Variants in CUX1 observed in about 807,000 individuals in gnomAD.
The protein encoded by CUX1 is cut like homeobox 1.
CUX1 carries 31 observed loss-of-function variants against 158.8 expected under a neutral mutation model. The observed-to-expected ratio is 0.20, with a 90% CI of 0.15 to 0.26. CUX1 has a LOEUF of 0.26. CUX1 is among the 10% of genes least tolerant of loss of function. The pLI, the probability that CUX1 is intolerant of heterozygous loss-of-function variation, is 1.00. For synonymous variants in CUX1, 879 were observed against 862.1 expected (o/e 1.02, Z -0.34); for missense variants, 1,589 against 2,014.6 (o/e 0.79, Z 4.04).
intron 8 of CUX1, among the ~76,000 whole-genome samples, chr7:102,142,546 G>A (rs868950773): frequency 1.5e-4 from 23 of 152,032 alleles, no homozygotes; most frequent in African/African-American, 4.6e-4. Flanking sequence ...GATCACTTGA[G>A]CCCAGGAATT....
At chr7:101,882,073 C>T (rs912759508) in intron 1 of CUX1, among the ~76,000 whole-genome samples, 2 of 151,370 alleles carry the variant, frequency 1.3e-5, no homozygotes, top group African/African-American at 4.9e-5. Flanking sequence ...AGTCCCATCT[C>T]CTCGGGAGGC....
At chr7:101,873,081 C>T (rs954782796) in intron 1 of CUX1, among the ~76,000 whole-genome samples, 2 of 151,612 alleles carry the variant, frequency 1.3e-5, no homozygotes, top group African/African-American at 4.8e-5. Context: ...CCATGTTGGC[C>T]AGGATGGTCT....
At chr7:102,218,290 G>A (rs558869127) in intron 20 of CUX1, among the ~76,000 whole-genome samples, 1 of 152,334 alleles carries the variant, frequency 6.6e-6, no homozygotes, top group Non-Finnish European at 1.5e-5. Context: ...TTTCCCCATT[G>A]TGGAAAGCTC....
intron 3 of CUX1, among the ~76,000 whole-genome samples, chr7:102,039,966 C>T (rs548652798): frequency 2.6e-5 from 4 of 152,122 alleles, no homozygotes; most frequent in South Asian, 2.1e-4. Flanking sequence ...TTACATGCAG[C>T]GCGCTGGCCA....
intron 8 of CUX1, among the ~76,000 whole-genome samples, chr7:102,125,059 G>T (rs1832474165): frequency 6.6e-6 from 1 of 152,160 alleles, no homozygotes; most frequent in South Asian, 2.1e-4. Flanking sequence ...TGGATTTACA[G>T]GCATGAGCCA....
chr7:102,180,314 CTTT>C (rs782269252), intron 11 of CUX1, among the ~76,000 whole-genome samples: 2 of 127,752 alleles, frequency 1.6e-5, no homozygotes, highest in South Asian at 2.6e-4. Context: ...GAGCCACTGC[CTTT>C]TTTTTTTTTT....
intron 16 of CUX1, among the ~76,000 whole-genome samples, chr7:102,199,595 TTC>T (rs1199999225): frequency 1.3e-5 from 2 of 152,360 alleles, no homozygotes; most frequent in East Asian, 3.9e-4. Flanking sequence ...AGTTAAGCCT[TTC>T]TTCACCCTGT....
intron 2 of CUX1, among the ~76,000 whole-genome samples, chr7:101,937,529 G>A (rs1449653775): frequency 6.9e-6 from 1 of 145,522 alleles, no homozygotes; most frequent in Non-Finnish European, 1.5e-5. Flanking sequence ...TTTTTTAATT[G>A]AGACAGAGTC....
chr7:101,930,304 G>A (rs192329145), intron 2 of CUX1, among the ~76,000 whole-genome samples: 1 of 152,220 alleles, frequency 6.6e-6, no homozygotes, highest in East Asian at 1.9e-4. Context: ...GGAACATATC[G>A]TTATAGCCTA....
At position 102,252,853 on chromosome 7, in the gene CUX1, A is replaced by G. The variant is rs1801658959; in HGVS notation, c.*3811A>G. The G allele has an allele frequency of 1.0e-6, 1 of 985,450 alleles. No individual in the cohort carries two copies. Among genetic ancestry groups the G allele is most frequent in the African/African-American group, 1.7e-5 (1 of 57,352 alleles). 61.0% of individuals were successfully genotyped at this position (985,450 alleles called of 1,614,324 possible). A position where few individuals can be genotyped will look rare whatever the true frequency, so the allele number is the denominator to read the frequency against. ...TATCAGAGCCATGGAGCTTAGCTCA[A>G]TTGGATTCTTCTAGACGATCTTAGG... is the stretch of plus-strand genomic sequence containing the variant. On this transcript the variant is annotated 3_prime_UTR_variant, in exon 24 of 24. Transcript: ENST00000292535.
intron 23 of CUX1, among the ~76,000 whole-genome samples, chr7:102,242,140 A>G (rs1306234578): frequency 6.6e-6 from 1 of 151,844 alleles, no homozygotes; most frequent in Non-Finnish European, 1.5e-5. Flanking sequence ...GGAAACGTGG[A>G]CAGGGGTTTC....
intron 1 of CUX1, among the ~76,000 whole-genome samples, chr7:101,824,065 T>C (rs768462693): frequency 1.3e-4 from 20 of 152,192 alleles, no homozygotes; most frequent in Non-Finnish European, 1.9e-4. Flanking sequence ...TTTAATATCT[T>C]TAAGACAGAA....
chr7:102,044,679 C>T (rs906096594), intron 3 of CUX1, among the ~76,000 whole-genome samples: 4 of 152,106 alleles, frequency 2.6e-5, no homozygotes, highest in African/African-American at 9.7e-5. Context: ...CCCTGCTTCT[C>T]GCCTTCTCCT....
At chr7:102,164,730 C>T (rs537580499) in intron 9 of CUX1, among the ~76,000 whole-genome samples, 39 of 152,264 alleles carry the variant, frequency 2.6e-4, no homozygotes, top group Middle Eastern at 3.4e-3. Flanking sequence ...CTCTGGGAGT[C>T]GAGATGTTCA....
chr7:102,234,117 C>T lies in CUX1; in HGVS notation c.3499C>T (p.Arg1167Cys), dbSNP rs1554531735. ...AGGCTCTGTCTCTGACCTCCTTGCC[C>T]GCCCCAAACCCTGGCATAAGCTCAG... ...TQGSVSDLLARPKPWHKLSLK... is the reference protein window; with the variant it reads ...TQGSVSDLLACPKPWHKLSLK... Residue 1167 changes from arginine (R) to cysteine (C), a missense_variant, in exon 22 of 24, where the codon CGC (arginine) becomes TGC (cysteine). Coordinates refer to ENST00000292535, the MANE Select transcript of CUX1 (RefSeq NM_181552.4). The T allele has an allele frequency of 1.3e-6, 2 of 1,597,092 alleles. No individual in the cohort carries two copies. Among genetic ancestry groups the T allele is most frequent in the East Asian group, 2.3e-5 (1 of 42,772 alleles).
intron 10 of CUX1, among the ~76,000 whole-genome samples, chr7:102,171,348 G>C (rs1241959317): frequency 6.6e-6 from 1 of 152,078 alleles, no homozygotes; most frequent in African/African-American, 2.4e-5. Context: ...AAATAACTTA[G>C]AGCAAAGCTG....
At chr7:101,902,401 C>T (rs770606720) in intron 1 of CUX1, among the ~76,000 whole-genome samples, 6 of 152,204 alleles carry the variant, frequency 3.9e-5, no homozygotes, top group Non-Finnish European at 5.9e-5. Context: ...GGTCTCTACC[C>T]GCCCCAGCAA....
chr7:102,190,720 A>C (rs1216841654), intron 12 of CUX1, among the ~76,000 whole-genome samples: 1 of 152,078 alleles, frequency 6.6e-6, no homozygotes, highest in African/African-American at 2.4e-5. Flanking sequence ...AGGCTTCCTC[A>C]GGGGTTCCTC....
rs782203931 is a variant in CUX1 at position 102,104,330 on chromosome 7, C to A, written c.407-6C>A. 3 of 1,554,926 alleles carry A rather than the reference C, an allele frequency of 1.9e-6. No individual in the cohort carries two copies. Among genetic ancestry groups the A allele is most frequent in the African/African-American group, 1.4e-5 (1 of 71,204 alleles). ...TACTGTAGGTTTTTTTTTTTCTTTTCTGCAGAGGTTACGATAAAAGCACTT... is the reference window on the plus strand; with the variant it reads ...TACTGTAGGTTTTTTTTTTTCTTTTATGCAGAGGTTACGATAAAAGCACTT... On this transcript the variant is annotated splice_polypyrimidine_tract_variant and splice_region_variant and intron_variant, in intron 5 of 23. Coordinates refer to ENST00000292535, the MANE Select transcript of CUX1 (RefSeq NM_181552.4).
Sources: gnomAD v4.1 joint callset for allele counts (sites outside exome capture counted in the v4.1 genomes callset) on GRCh38, gnomAD v4.1.1 for gene constraint, MANE v1.5 for transcripts, NCBI Gene and HGNC (gene_info 2026-07-23, HGNC 2026-07-21) for gene names.